The following ABRAXAS1 variants were observed in gnomAD, a reference collection of about 807,000 sequenced individuals.
The protein encoded by ABRAXAS1 is abraxas 1, BRCA1 A complex subunit, also known as BRCA1-A complex subunit Abraxas 1.
A neutral mutation model predicts 38.4 loss-of-function variants in ABRAXAS1; 26 were observed. That is an observed-to-expected ratio of 0.68 (90% CI 0.50 to 0.94). The LOEUF is 0.94. ABRAXAS1 is among the 40% of genes least tolerant of loss of function. ABRAXAS1 has a pLI of 0.00. For missense variants in ABRAXAS1, 438 were observed against 481.9 expected (o/e 0.91, Z 0.85); for synonymous variants, 144 against 165.5 (o/e 0.87, Z 1.00).
intron 6 of ABRAXAS1, 48 bp from the exon 7 acceptor site, chr4:83,467,586 A>G (rs1278636975): frequency 1.1e-6 from 1 of 922,032 alleles, no homozygotes; most frequent in Non-Finnish European, 1.8e-6. Context: ...AACCATTTTA[A>G]TGATAAGGTG....
intron 7 of ABRAXAS1, among the ~76,000 whole-genome samples, chr4:83,465,192 A>G (rs1722301995): frequency 1.3e-5 from 2 of 149,110 alleles, no homozygotes; most frequent in South Asian, 4.4e-4. Context: ...GCTACTTGGG[A>G]GGCTGAGACA....
Position 83,467,290 on chromosome 4 carries a change from A to G in ABRAXAS1, c.681+164T>C, listed in dbSNP as rs1373364397. On this transcript the variant is annotated intron_variant, in intron 7 of 8. Coordinates refer to ENST00000321945, the MANE Select transcript of ABRAXAS1 (RefSeq NM_139076.3). ...GTAAGTATATGTTTGCACAATGATA[A>G]AACTGCCTAATGACACATTTCTCAG... 1.7e-5 allele frequency: 9 copies of G among 529,374 alleles called. No individual in the cohort carries two copies. The Admixed American group carries it at 2.1e-4, about 12-fold the overall frequency. The allele number at this position is 529,374 out of a possible 1,614,324, so 32.8% of individuals were successfully genotyped here.
intron 1 of ABRAXAS1, 64 bp downstream of exon 1, chr4:83,484,922 G>GAGGCAGGCCGCGCGC: frequency 7.1e-7 from 1 of 1,400,040 alleles, no homozygotes; most frequent in South Asian, 1.3e-5. Context: ...CAACAGCGGG[G>GAGGCAGGCCGCGCGC]AGGCAGGCCG....
intron 3 of ABRAXAS1, among the ~76,000 whole-genome samples, chr4:83,473,076 TG>T (rs577544331): frequency 7.3e-4 from 111 of 152,208 alleles, no homozygotes; most frequent in African/African-American, 2.6e-3. Flanking sequence ...CCCAGAAGTT[TG>T]AGACCAACCT....
At chr4:83,468,659 T>G (rs1231514203) in intron 6 of ABRAXAS1, among the ~76,000 whole-genome samples, 4 of 152,200 alleles carry the variant, frequency 2.6e-5, no homozygotes, top group Admixed American at 2.6e-4. Context: ...AGAATAGATA[T>G]GCTAAACTTT....
At position 83,462,863 on chromosome 4, in the gene ABRAXAS1, A is replaced by C. The variant is rs587780268; in HGVS notation, c.836T>G (p.Phe279Cys). 38 of 1,602,102 alleles carry C rather than the reference A, an allele frequency of 2.4e-5. No homozygotes were observed. Among genetic ancestry groups the C allele is most frequent in the Non-Finnish European group, 2.9e-5 (34 of 1,175,276 alleles). The stretch of plus-strand genomic sequence containing the variant: ...AAAGGTCCGTAATGCCTGACAAAGA[A>C]AAATGTTCTCCTGAGGGTCTTTTTG... The part of the protein sequence containing the change: ...NIQKDPQENI[F>C]LCQALRTFFP... Residue 279 changes from phenylalanine to cysteine, a missense_variant, in exon 9 of 9, where the codon TTT (phenylalanine) becomes TGT (cysteine). Coordinates refer to ENST00000321945, the MANE Select transcript of ABRAXAS1 (RefSeq NM_139076.3).
intron 3 of ABRAXAS1, 57 bp from the exon 4 acceptor site, chr4:83,472,345 T>C: frequency 1.8e-6 from 2 of 1,082,630 alleles, no homozygotes; most frequent in Non-Finnish European, 2.6e-6. Flanking sequence ...AGTAATTTTA[T>C]TAGTATTTTA....
chr4:83,472,966 T>C (rs1722636184), intron 3 of ABRAXAS1, among the ~76,000 whole-genome samples: 1 of 152,210 alleles, frequency 6.6e-6, no homozygotes, highest in Non-Finnish European at 1.5e-5. Context: ...TGGTTAAATA[T>C]GTTATACAAA....
Position 83,461,108 on chromosome 4 carries a change from T to A in ABRAXAS1, c.*1361A>T, listed in dbSNP as rs751703470. On this transcript the variant is annotated 3_prime_UTR_variant, in exon 9 of 9. Transcript: ENST00000321945. ...ATTATGTTTTGTCAAGAACTTTAATTATCTCTTTACAGGGTTTATGCCAGT... is the reference window on the plus strand; with the variant it reads ...ATTATGTTTTGTCAAGAACTTTAATAATCTCTTTACAGGGTTTATGCCAGT... 1.9e-6 allele frequency: 3 copies of A among 1,613,304 alleles called. No homozygotes were observed. In the South Asian group the frequency reaches 3.3e-5, roughly 18 times the overall value.
At chr4:83,484,027 A>C (rs191898023) in intron 1 of ABRAXAS1, 1 of 983,318 alleles carries the variant, frequency 1.0e-6, no homozygotes, top group Admixed American at 6.1e-5. Context: ...GCCAAAGAGC[A>C]ATTTTGTAAT....
intron 5 of ABRAXAS1, 89 bp downstream of exon 5, chr4:83,470,114 T>G: frequency 1.0e-6 from 1 of 954,822 alleles, no homozygotes; most frequent in Non-Finnish European, 1.5e-6. Context: ...CGACAATATA[T>G]GAGAACACTT....
chr4:83,472,134 TA>T, intron 4 of ABRAXAS1, 87 bp downstream of exon 4: 1 of 789,520 alleles, frequency 1.3e-6, no homozygotes, highest in Non-Finnish European at 2.0e-6. Context: ...AAACACTGCT[TA>T]AAAATTCTGT....
intron 2 of ABRAXAS1, 149 bp from the exon 3 acceptor site, chr4:83,476,828 A>G: frequency 1.8e-6 from 1 of 563,132 alleles, no homozygotes; most frequent in South Asian, 2.3e-5. Context: ...GACATATACT[A>G]TCATTATTCC....
At position 83,461,328 on chromosome 4, in the gene ABRAXAS1, A is replaced by T; in HGVS notation, c.*1141T>A. The T allele has an allele frequency of 1.4e-6, 1 of 709,918 alleles. No homozygotes were observed. Among genetic ancestry groups the T allele is most frequent in the Non-Finnish European group, 2.5e-6 (1 of 401,456 alleles). 44.0% of individuals were successfully genotyped at this position (709,918 alleles called of 1,614,324 possible). The stretch of plus-strand genomic sequence containing the variant: ...GTAAAGAATGACACTTCCCCTTCAT[A>T]CCAATGTCCATTAAGCAGATTGCTT... On this transcript the variant is annotated 3_prime_UTR_variant, in exon 9 of 9. Coordinates refer to ENST00000321945, the MANE Select transcript of ABRAXAS1 (RefSeq NM_139076.3).
At chr4:83,475,003 T>C (rs952903984) in intron 3 of ABRAXAS1, among the ~76,000 whole-genome samples, 1 of 152,214 alleles carries the variant, frequency 6.6e-6, no homozygotes, top group Non-Finnish European at 1.5e-5. Flanking sequence ...TCTCTCCTAA[T>C]GCCTTTCCAC....
intron 3 of ABRAXAS1, among the ~76,000 whole-genome samples, chr4:83,475,170 T>C (rs1054985144): frequency 1.1e-4 from 17 of 152,188 alleles, no homozygotes; most frequent in African/African-American, 2.7e-4. Context: ...TTTAAATCCT[T>C]TGTTGGTCCA....
intron 1 of ABRAXAS1, chr4:83,483,912 A>G (rs1228077294): frequency 2.6e-5 from 15 of 569,732 alleles, no homozygotes; most frequent in Non-Finnish European, 3.1e-5. Flanking sequence ...AGCTACACAT[A>G]TATTTTAAAT....
intron 2 of ABRAXAS1, chr4:83,477,745 T>C: frequency 1.5e-6 from 1 of 659,740 alleles, no homozygotes; most frequent in South Asian, 1.4e-5. Context: ...AAGCGGAAGG[T>C]GTATTGGCTC....
chr4:83,480,249 G>C (rs1309851954), intron 2 of ABRAXAS1: 1 of 282,708 alleles, frequency 3.5e-6, no homozygotes, highest in Non-Finnish European at 7.1e-6. Context: ...GCGTGTGCCT[G>C]TAATCCCAGC....
Sources: gnomAD v4.1 joint callset for allele counts (sites outside exome capture counted in the v4.1 genomes callset) on GRCh38, gnomAD v4.1.1 for gene constraint, MANE v1.5 for transcripts, NCBI Gene and HGNC (gene_info 2026-07-23, HGNC 2026-07-21) for gene names.